Variants in LRMDA observed in about 807,000 individuals in gnomAD.
The protein encoded by LRMDA is leucine-rich melanocyte differentiation-associated protein.
A neutral mutation model predicts 29.8 loss-of-function variants in LRMDA; 18 were observed. The observed-to-expected ratio is 0.60, with a 90% confidence interval of 0.42 to 0.90. The LOEUF is 0.90. Ranked by LOEUF, LRMDA falls within the 40% of genes least tolerant of loss-of-function variation. LRMDA has a pLI of 0.00. For synonymous variants in LRMDA, 125 were observed against 109.4 expected, an observed-to-expected ratio of 1.14 and a Z score of -0.89; for missense variants, 273 against 273.9, an observed-to-expected ratio of 1.00 and a Z score of 0.02.
rs11597984 is a variant in LRMDA at position 75,575,639 on chromosome 10, C to T, written c.131+137145C>T. ...CTCCCAGCGAGATTGATGCAGAAGG[C>T]GAGTGATTTCTGCATTTCCAACTGA... On this transcript the variant is annotated intron_variant, in intron 2 of 6. Transcript: ENST00000611255. Among the ~76,000 whole-genome samples the T allele has an allele frequency of 4.6e-3, 700 of 152,242 alleles. 3 individuals carry two copies. Among genetic ancestry groups the T allele is most frequent in the Middle Eastern group, 0.017 (5 of 294 alleles).
At chr10:75,823,880 G>A (rs189454211) in intron 2 of LRMDA, among the ~76,000 whole-genome samples, 47 of 152,216 alleles carry the variant, frequency 3.1e-4, no homozygotes, top group African/African-American at 1.1e-3. Flanking sequence ...TTAGTGAAAT[G>A]ACTCAGAAAC....
intron 2 of LRMDA, among the ~76,000 whole-genome samples, chr10:75,447,709 A>G (rs2132028736): frequency 6.6e-6 from 1 of 152,262 alleles, no homozygotes; most frequent in South Asian, 2.1e-4. Context: ...AGCCTGGGGA[A>G]CATAGCAAGA....
At chr10:76,208,655 A>G (rs1261547148) in intron 5 of LRMDA, among the ~76,000 whole-genome samples, 1 of 152,148 alleles carries the variant, frequency 6.6e-6, no homozygotes, top group African/African-American at 2.4e-5. Flanking sequence ...ATAGGAGGAA[A>G]CACATGTGCA....
chr10:76,472,646 A>G (rs77168206), intron 6 of LRMDA, among the ~76,000 whole-genome samples: 4,577 of 151,688 alleles, frequency 0.03, 159 homozygotes, highest in African/African-American at 0.078. Context: ...CCAAGTAGTT[A>G]GCTAGATTGA....
chr10:75,708,313 G>A (rs1842394368), intron 2 of LRMDA, among the ~76,000 whole-genome samples: 1 of 152,130 alleles, frequency 6.6e-6, no homozygotes, highest in Admixed American at 6.5e-5. Flanking sequence ...CCCATTTCAT[G>A]CCAGAATACA....
At chr10:76,277,288 G>C (rs1255828067) in intron 5 of LRMDA, among the ~76,000 whole-genome samples, 1 of 152,074 alleles carries the variant, frequency 6.6e-6, no homozygotes, top group African/African-American at 2.4e-5. Flanking sequence ...TTCACCTCTT[G>C]GTGGGTAGCT....
rs116132949 is a variant in LRMDA at position 75,740,083 on chromosome 10, A to C, written c.132-295925A>C. Among the ~76,000 whole-genome samples, 758 of 152,368 alleles carry C rather than the reference A, an allele frequency of 5.0e-3. 10 individuals are homozygous for C. Among genetic ancestry groups the C allele is most frequent in the African/African-American group, 0.018 (728 of 41,594 alleles). On this transcript the variant is annotated intron_variant, in intron 2 of 6. Coordinates refer to ENST00000611255, the MANE Select transcript of LRMDA (RefSeq NM_001305581.2). ...ACACATACCTCATGGTAAATCATTT[A>C]AGAGGCTCTATAAAAACGTTTATGT...
intron 2 of LRMDA, among the ~76,000 whole-genome samples, chr10:75,560,918 C>T (rs950113971): frequency 1.3e-5 from 2 of 151,884 alleles, no homozygotes; most frequent in African/African-American, 4.8e-5. Flanking sequence ...TTTTGATGTG[C>T]TGCTGGATTT....
chr10:75,495,332 G>C (rs922555130), intron 2 of LRMDA, among the ~76,000 whole-genome samples: 12 of 151,170 alleles, frequency 7.9e-5, no homozygotes, highest in Admixed American at 3.9e-4. Flanking sequence ...GGCCTTTTAT[G>C]GTTTTTTTTT....
At chr10:75,861,875 G>A (rs1844936363) in intron 2 of LRMDA, among the ~76,000 whole-genome samples, 1 of 152,170 alleles carries the variant, frequency 6.6e-6, no homozygotes, top group Non-Finnish European at 1.5e-5. Context: ...ATTGGAGCTG[G>A]TCTTCTTGGA....
intron 2 of LRMDA, among the ~76,000 whole-genome samples, chr10:75,622,094 G>A (rs1320333768): frequency 6.6e-6 from 1 of 152,114 alleles, no homozygotes; most frequent in Non-Finnish European, 1.5e-5. Flanking sequence ...CACCTGCTTT[G>A]GGTTTATACA....
intron 5 of LRMDA, among the ~76,000 whole-genome samples, chr10:76,199,345 T>C (rs1327212795): frequency 6.6e-6 from 1 of 152,170 alleles, no homozygotes; most frequent in African/African-American, 2.4e-5. Flanking sequence ...GGGCACAGGC[T>C]CTAGAGTTAG....
chr10:75,707,756 T>C (rs1286473513), intron 2 of LRMDA, among the ~76,000 whole-genome samples: 1 of 152,170 alleles, frequency 6.6e-6, no homozygotes, highest in African/African-American at 2.4e-5. Context: ...TTTGGGTCCT[T>C]GTGTCTCTAT....
chr10:75,618,116 A>T (rs1488171648), intron 2 of LRMDA, among the ~76,000 whole-genome samples: 1 of 152,158 alleles, frequency 6.6e-6, no homozygotes. Flanking sequence ...TTGCTGTCTT[A>T]TGATGCAGTT....
At chr10:76,085,813 G>A (rs1025346177) in intron 5 of LRMDA, among the ~76,000 whole-genome samples, 6 of 152,088 alleles carry the variant, frequency 3.9e-5, no homozygotes, top group African/African-American at 1.4e-4. Flanking sequence ...AGTGATCCTG[G>A]CTTCCTCCCC....
At chr10:76,538,109 G>A (rs1843310003) in intron 6 of LRMDA, among the ~76,000 whole-genome samples, 1 of 151,980 alleles carries the variant, frequency 6.6e-6, no homozygotes, top group Admixed American at 6.6e-5. Context: ...TATACAATTA[G>A]GTTCATTTTT....
At chr10:75,743,774 T>TTC (rs1389266591) in intron 2 of LRMDA, 3 of 152,200 alleles carry the variant, frequency 2.0e-5, no homozygotes, top group Admixed American at 2.0e-4. Context: ...TTTGAAAGAA[T>TTC]TCTGAGCATG....
intron 6 of LRMDA, among the ~76,000 whole-genome samples, chr10:76,430,770 T>C (rs1297169330): frequency 6.6e-6 from 1 of 152,104 alleles, no homozygotes; most frequent in Non-Finnish European, 1.5e-5. Flanking sequence ...GGTCCAAGGG[T>C]GGCAGTATAG....
chr10:75,835,332 A>G (rs1461256387), intron 2 of LRMDA, among the ~76,000 whole-genome samples: 1 of 152,148 alleles, frequency 6.6e-6, no homozygotes, highest in Non-Finnish European at 1.5e-5. Flanking sequence ...TTTCATTACT[A>G]TATCACTGTT....
Sources: allele counts gnomAD v4.1 joint callset (sites outside exome capture counted in the v4.1 genomes callset), GRCh38; gene constraint gnomAD v4.1.1; transcripts MANE v1.5; gene names NCBI Gene and HGNC (gene_info 2026-07-23, HGNC 2026-07-21).